GRIP1: variants seen among roughly 807,000 people sequenced by gnomAD.
GRIP1 encodes the protein glutamate receptor-interacting protein 1.
A neutral mutation model predicts 129.9 loss-of-function variants in GRIP1; 45 were observed. That is an observed-to-expected ratio of 0.35 (90% CI 0.27 to 0.44). The LOEUF (loss-of-function observed/expected upper bound fraction) is 0.44, where lower values mean the gene tolerates loss of function less well. Among genes scored for constraint, GRIP1 ranks in the 20% least tolerant of loss-of-function variants. The pLI is 1.00. For missense variants in GRIP1, 1,196 were observed against 1,396.8 expected, an observed-to-expected ratio of 0.86 and a Z score of 2.29; for synonymous variants, 530 against 520.8, an observed-to-expected ratio of 1.02 and a Z score of -0.24.
intron 1 of GRIP1, among the ~76,000 whole-genome samples, chr12:67,020,435 TC>T (rs2042848603): frequency 6.6e-6 from 1 of 152,174 alleles, no homozygotes; most frequent in South Asian, 2.1e-4. Flanking sequence ...AGAGACAAGG[TC>T]TTGCTCTCTT....
chr12:66,419,931 A>G (rs981520556), intron 15 of GRIP1, among the ~76,000 whole-genome samples: 3 of 152,134 alleles, frequency 2.0e-5, no homozygotes, highest in Non-Finnish European at 4.4e-5. Flanking sequence ...CCCCGCCTCT[A>G]GTAAAAAATA....
chr12:66,382,636 C>T (rs1592733175), intron 19 of GRIP1, among the ~76,000 whole-genome samples: 1 of 152,168 alleles, frequency 6.6e-6, no homozygotes, highest in African/African-American at 2.4e-5. Flanking sequence ...GTTTCCTTAT[C>T]TTTAAAGTAG....
At chr12:66,635,399 G>A (rs1430906311) in intron 1 of GRIP1, among the ~76,000 whole-genome samples, 2 of 151,572 alleles carry the variant, frequency 1.3e-5, no homozygotes, top group Non-Finnish European at 2.9e-5. Context: ...ACTCTAGCCT[G>A]GGTGACAGAG....
rs1244429674 is a variant in GRIP1, at chr12:66,512,505, A to G, written c.724+3114T>C. Among the ~76,000 whole-genome samples the G allele has an allele frequency of 2.0e-5, 3 of 150,874 alleles. No individual in the cohort carries two copies. The East Asian group carries it at 5.8e-4, about 29-fold the overall frequency. ...CTTTATCTAAGAGTGATAGAAAGCT[A>G]TTACAATGGAAGTCCATAAATAACT... On this transcript the variant is annotated intron_variant, in intron 7 of 24. Coordinates refer to ENST00000359742, the MANE Select transcript of GRIP1 (RefSeq NM_001366722.1).
chr12:66,530,362 T>G (rs189737446), intron 4 of GRIP1, among the ~76,000 whole-genome samples: 2 of 152,332 alleles, frequency 1.3e-5, no homozygotes, highest in Admixed American at 1.3e-4. Context: ...ATTCTCAGAT[T>G]GCTATCAACA....
intron 1 of GRIP1, among the ~76,000 whole-genome samples, chr12:66,689,894 AT>A: frequency 6.6e-6 from 1 of 152,034 alleles, no homozygotes; most frequent in South Asian, 2.1e-4. Context: ...ATGTATTGTA[AT>A]TTTAAAATTA....
chr12:66,653,024 T>C (rs1197636565), intron 1 of GRIP1, among the ~76,000 whole-genome samples: 1 of 152,206 alleles, frequency 6.6e-6, no homozygotes, highest in Non-Finnish European at 1.5e-5. Flanking sequence ...AAATTGGTTG[T>C]TCTGGGATAA....
chr12:66,645,936 T>C (rs1336062058), intron 1 of GRIP1, among the ~76,000 whole-genome samples: 1 of 152,132 alleles, frequency 6.6e-6, no homozygotes, highest in Non-Finnish European at 1.5e-5. Context: ...GGCAGAGAAA[T>C]ACAGCTTTTC....
chr12:66,539,285 T>C, intron 3 of GRIP1, 62 bp from the exon 4 acceptor site: 1 of 1,604,368 alleles, frequency 6.2e-7, no homozygotes, highest in Non-Finnish European at 8.5e-7. Flanking sequence ...TCTGACTATA[T>C]TTCCACTTTC....
chr12:66,381,497 C>G (rs909872958), intron 19 of GRIP1, among the ~76,000 whole-genome samples: 1 of 152,186 alleles, frequency 6.6e-6, no homozygotes, highest in East Asian at 1.9e-4. Context: ...TTTGGGGAAG[C>G]CTGTACCTCA....
At chr12:66,377,149 A>G in intron 21 of GRIP1, 25 bp downstream of exon 21, 4 of 1,570,148 alleles carry the variant, frequency 2.5e-6, no homozygotes, top group Non-Finnish European at 3.5e-6. Flanking sequence ...GAAACAATAA[A>G]AGTAAGTAGC....
At chr12:66,785,309 TACATACATACATAC>T (rs2038288436) in intron 1 of GRIP1, among the ~76,000 whole-genome samples, 8 of 65,838 alleles carry the variant, frequency 1.2e-4, no homozygotes, top group African/African-American at 4.2e-4. Flanking sequence ...GAATTTAACA[TACATACATACATAC>T]ATACATACAT....
chr12:66,914,906 C>G (rs1023876245), intron 1 of GRIP1, among the ~76,000 whole-genome samples: 1 of 152,172 alleles, frequency 6.6e-6, no homozygotes, highest in Admixed American at 6.5e-5. Flanking sequence ...AAGAGGATCA[C>G]TTGAATCCAG....
chr12:66,873,602 C>A (rs1353911378), intron 1 of GRIP1, among the ~76,000 whole-genome samples: 2 of 151,978 alleles, frequency 1.3e-5, no homozygotes, highest in African/African-American at 4.8e-5. Context: ...TCTAGAAAAC[C>A]TGGTGACTAT....
intron 1 of GRIP1, among the ~76,000 whole-genome samples, chr12:66,813,086 A>G (rs1168107455): frequency 6.6e-6 from 1 of 152,222 alleles, no homozygotes; most frequent in East Asian, 1.9e-4. Flanking sequence ...TGGGTAATTT[A>G]TAAAGAAAAG....
At chr12:66,424,869 A>G (rs1270875717) in intron 14 of GRIP1, among the ~76,000 whole-genome samples, 5 of 152,220 alleles carry the variant, frequency 3.3e-5, no homozygotes, top group East Asian at 1.9e-4. Flanking sequence ...ATCTGTCTGG[A>G]CTGGTTGCTT....
chr12:67,050,226 C>T (rs2043320993), intron 1 of GRIP1, among the ~76,000 whole-genome samples: 2 of 152,116 alleles, frequency 1.3e-5, no homozygotes, highest in South Asian at 4.1e-4. Context: ...CTTCACGCAA[C>T]TTATCCTATT....
chr12:66,740,395 A>G (rs1157249335), intron 1 of GRIP1, among the ~76,000 whole-genome samples: 1 of 152,178 alleles, frequency 6.6e-6, no homozygotes, highest in African/African-American at 2.4e-5. Context: ...ATCAGTGTAC[A>G]GTTCTTGACT....
At chr12:66,519,513 G>C (rs2060940772) in intron 5 of GRIP1, among the ~76,000 whole-genome samples, 1 of 152,154 alleles carries the variant, frequency 6.6e-6, no homozygotes. Context: ...CATAATTTTG[G>C]TTTGTATTTA....
Sources: allele counts gnomAD v4.1 joint callset (sites outside exome capture counted in the v4.1 genomes callset), GRCh38; gene constraint gnomAD v4.1.1; transcripts MANE v1.5; gene names NCBI Gene and HGNC (gene_info 2026-07-23, HGNC 2026-07-21).